The following RXRA variants were observed in gnomAD, a reference collection of about 807,000 sequenced individuals.
RXRA encodes retinoid X receptor alpha.
Under a neutral mutation model 44.5 loss-of-function variants are expected in RXRA, and 5 were observed. The ratio of observed to expected loss-of-function variants is 0.11; its 90% CI spans 0.06 to 0.24. The LOEUF (loss-of-function observed/expected upper bound fraction) is 0.24, where lower values mean the gene tolerates loss of function less well. RXRA is among the 10% of genes least tolerant of loss of function. RXRA has a pLI of 1.00. For synonymous variants in RXRA, 291 were observed against 271.4 expected (o/e 1.07, Z -0.71); for missense variants, 412 against 646.5 (o/e 0.64, Z 3.93).
At chr9:134,370,757 G>A (rs374682164) in intron 1 of RXRA, among the ~76,000 whole-genome samples, 1 of 152,196 alleles carries the variant, frequency 6.6e-6, no homozygotes, top group Non-Finnish European at 1.5e-5. Flanking sequence ...GTGTGGCGGC[G>A]CCGGGTGGGC....
intron 1 of RXRA, among the ~76,000 whole-genome samples, chr9:134,374,580 C>T (rs1830529916): frequency 6.6e-6 from 1 of 152,258 alleles, no homozygotes; most frequent in Non-Finnish European, 1.5e-5. Flanking sequence ...CAGACCAAAC[C>T]CCCACAACCT....
At chr9:134,389,898 G>A (rs1035755289) in intron 1 of RXRA, among the ~76,000 whole-genome samples, 4 of 152,312 alleles carry the variant, frequency 2.6e-5, no homozygotes, top group South Asian at 4.1e-4. Flanking sequence ...AGGTTCTTGG[G>A]GCTGGGCACC....
In RXRA at chr9:134,434,201, C is replaced by T. The variant is rs771014431; in HGVS notation, c.1235C>T (p.Pro412Leu). ...TGCAAGCACAAGTACCCAGAGCAGC[C>T]GGGAAGGTGGGTCCCGCCCCGTCCC... ...AYCKHKYPEQPGRFAKLLLRL... is the reference protein window; with the variant it reads ...AYCKHKYPEQLGRFAKLLLRL... Residue 412 changes from proline to leucine, a missense_variant, in exon 9 of 10, where the codon CCG (proline) becomes CTG (leucine). Transcript: ENST00000481739. The T allele has an allele frequency of 7.4e-6, 12 of 1,612,238 alleles. No homozygotes were observed. The highest frequency in any genetic ancestry group is 6.7e-5 in the East Asian group (3 of 44,880).
chr9:134,410,803 C>T (rs1588295542), intron 4 of RXRA, among the ~76,000 whole-genome samples: 1 of 152,240 alleles, frequency 6.6e-6, no homozygotes, highest in East Asian at 1.9e-4. Context: ...CTCTCAGATC[C>T]TGGGGGCTTC....
intron 1 of RXRA, among the ~76,000 whole-genome samples, chr9:134,347,901 G>A (rs1426015197): frequency 2.0e-5 from 3 of 152,144 alleles, no homozygotes. Context: ...TTCAGAGGCC[G>A]TGAGTGCTGA....
chr9:134,385,248 A>G (rs575555406), intron 1 of RXRA, among the ~76,000 whole-genome samples: 1 of 152,260 alleles, frequency 6.6e-6, no homozygotes, highest in Admixed American at 6.5e-5. Flanking sequence ...CCCCACACTC[A>G]CTACCGGCCC....
At position 134,437,626 on chromosome 9, in the gene RXRA, C is replaced by A; in HGVS notation, c.*1012C>A. On this transcript the variant is annotated 3_prime_UTR_variant, in exon 10 of 10. Coordinates refer to ENST00000481739, the MANE Select transcript of RXRA (RefSeq NM_002957.6). Reference sequence around the variant, plus strand: ...GCCTGTTGGTTTCCCTCAGAGGGGGCAGGTGGCCTGGAGAGAGAGGGGCTC... The same window carrying A: ...GCCTGTTGGTTTCCCTCAGAGGGGGAAGGTGGCCTGGAGAGAGAGGGGCTC... The A allele has an allele frequency of 6.6e-6, 1 of 152,468 alleles. No homozygotes were observed. Among genetic ancestry groups the A allele is most frequent in the Non-Finnish European group, 1.5e-5 (1 of 68,144 alleles). The allele number at this position is 152,468 out of a possible 1,614,324, so 9.4% of individuals were successfully genotyped here.
intron 6 of RXRA, chr9:134,422,533 G>T (rs545200512): frequency 4.2e-6 from 5 of 1,195,868 alleles, no homozygotes; most frequent in Admixed American, 2.7e-5. Flanking sequence ...CCCCCCTTCC[G>T]GGACACTCCC....
intron 7 of RXRA, 72 bp from the exon 8 acceptor site, chr9:134,431,833 G>A (rs1447044798): frequency 1.6e-6 from 2 of 1,229,818 alleles, no homozygotes; most frequent in South Asian, 1.2e-5. Flanking sequence ...AGAGGCCTTG[G>A]GTATCTGGGG....
intron 1 of RXRA, among the ~76,000 whole-genome samples, chr9:134,376,465 C>T (rs1178973872): frequency 1.3e-5 from 2 of 152,208 alleles, no homozygotes; most frequent in East Asian, 1.9e-4. Context: ...CCTGTCCTAC[C>T]GTTTCTTCTC....
chr9:134,378,442 G>T (rs1470614304), intron 1 of RXRA, among the ~76,000 whole-genome samples: 1 of 152,246 alleles, frequency 6.6e-6, no homozygotes, highest in Non-Finnish European at 1.5e-5. Context: ...AACGCAGCTG[G>T]TGAACAGAGC....
At chr9:134,410,453 A>G (rs1422106094) in intron 4 of RXRA, among the ~76,000 whole-genome samples, 2 of 152,182 alleles carry the variant, frequency 1.3e-5, no homozygotes, top group East Asian at 1.9e-4. Context: ...GCAGAGGAGC[A>G]TGTGCCCAGC....
chr9:134,368,427 T>TG (rs1393309270), intron 1 of RXRA, among the ~76,000 whole-genome samples: 1 of 152,238 alleles, frequency 6.6e-6, no homozygotes, highest in African/African-American at 2.4e-5. Flanking sequence ...ACTGTGGTGT[T>TG]CGGAGATGCG....
At chr9:134,362,629 A>T in intron 1 of RXRA, among the ~76,000 whole-genome samples, 1 of 152,228 alleles carries the variant, frequency 6.6e-6, no homozygotes, top group South Asian at 2.1e-4. Context: ...GGAGCTGGGC[A>T]TGGGCTGGGC....
chr9:134,364,834 G>C (rs992762649), intron 1 of RXRA, among the ~76,000 whole-genome samples: 1 of 152,230 alleles, frequency 6.6e-6, no homozygotes, highest in Non-Finnish European at 1.5e-5. Context: ...CCTAGTGTTG[G>C]TGGCTGGGGG....
At chr9:134,389,626 G>A (rs1830771342) in intron 1 of RXRA, among the ~76,000 whole-genome samples, 1 of 152,176 alleles carries the variant, frequency 6.6e-6, no homozygotes, top group Non-Finnish European at 1.5e-5. Context: ...CCAGTGGAGG[G>A]GACAGTGGTG....
At chr9:134,416,720 G>T (rs922977748) in intron 4 of RXRA, among the ~76,000 whole-genome samples, 1 of 151,884 alleles carries the variant, frequency 6.6e-6, no homozygotes, top group East Asian at 1.9e-4. Context: ...CCTCATGAGC[G>T]TGCTCTGCTC....
chr9:134,351,803 GT>G (rs1385723880), intron 1 of RXRA, among the ~76,000 whole-genome samples: 3 of 152,268 alleles, frequency 2.0e-5, no homozygotes, highest in Admixed American at 2.0e-4. Flanking sequence ...ATGGAGTTGG[GT>G]TGATCAGAGG....
At chr9:134,418,578 C>T (rs1831278098) in intron 5 of RXRA, among the ~76,000 whole-genome samples, 1 of 152,210 alleles carries the variant, frequency 6.6e-6, no homozygotes, top group South Asian at 2.1e-4. Context: ...CTCACGTGGC[C>T]TGGAACTGGG....
Sources: allele counts gnomAD v4.1 joint callset (sites outside exome capture counted in the v4.1 genomes callset), GRCh38; gene constraint gnomAD v4.1.1; transcripts MANE v1.5; gene names NCBI Gene and HGNC (gene_info 2026-07-23, HGNC 2026-07-21).